The following ANK2 variants were observed in gnomAD, a reference collection of about 807,000 sequenced individuals.
The protein encoded by ANK2 is ankyrin-2.
A neutral mutation model predicts 360.5 loss-of-function variants in ANK2; 83 were observed. That is an observed-to-expected ratio of 0.23 (90% confidence interval 0.19 to 0.28). The LOEUF (loss-of-function observed/expected upper bound fraction) is 0.28, where lower values mean the gene tolerates loss of function less well. ANK2 is among the 10% of genes least tolerant of loss of function. The pLI, the probability that ANK2 is intolerant of heterozygous loss-of-function variation, is 1.00. For missense variants in ANK2, 4,201 were observed against 4,795.7 expected (o/e 0.88, Z 3.66); for synonymous variants, 1,740 against 1,759.5 (o/e 0.99, Z 0.28).
chr4:113,321,703 A>T (rs1427246580), intron 26 of ANK2, among the ~76,000 whole-genome samples: 1 of 151,958 alleles, frequency 6.6e-6, no homozygotes, highest in South Asian at 2.1e-4. Context: ...AATTGGGTGG[A>T]TTCTTAAGCC....
At chr4:113,073,313 C>T (rs763478242) in intron 1 of ANK2, among the ~76,000 whole-genome samples, 5 of 152,070 alleles carry the variant, frequency 3.3e-5, no homozygotes, top group South Asian at 4.2e-4. Context: ...CATAAATATT[C>T]CTCAGCTAAT....
intron 2 of ANK2, among the ~76,000 whole-genome samples, chr4:112,951,465 C>G (rs553044032): frequency 5.9e-5 from 9 of 152,134 alleles, no homozygotes; most frequent in Non-Finnish European, 1.3e-4. Context: ...TTTAATGATT[C>G]AAATGAAAAG....
chr4:112,718,342 T>G, the ANK2 span, among the ~76,000 whole-genome samples: 2 of 152,244 alleles, frequency 1.3e-5, no homozygotes, highest in African/African-American at 4.8e-5. Flanking sequence ...TTTCGGACAG[T>G]CTTGCTCTGT....
intron 10 of ANK2, among the ~76,000 whole-genome samples, chr4:113,250,756 C>CCG (rs66628618): frequency 0.017 from 367 of 21,352 alleles, 68 homozygotes; most frequent in Non-Finnish European, 0.037. Context: ...CATACCACCG[C>CCG]CCCCCCCCCC....
At chr4:112,808,664 AAAAT>A in the ANK2 span, among the ~76,000 whole-genome samples, 1 of 152,204 alleles carries the variant, frequency 6.6e-6, no homozygotes, top group South Asian at 2.1e-4. Context: ...ATCACCTAGA[AAAAT>A]AAATAGACAA....
chr4:112,916,120 T>C (rs1242226625), intron 2 of ANK2, among the ~76,000 whole-genome samples: 1 of 152,216 alleles, frequency 6.6e-6, no homozygotes, highest in African/African-American at 2.4e-5. Context: ...GTTTTATAGC[T>C]TAAACAGGAC....
intron 4 of ANK2, among the ~76,000 whole-genome samples, chr4:113,211,759 T>C (rs1189067789): frequency 6.6e-6 from 1 of 152,216 alleles, no homozygotes; most frequent in Non-Finnish European, 1.5e-5. Context: ...TTGTGTCTTC[T>C]GATATCTGGC....
intron 1 of ANK2, among the ~76,000 whole-genome samples, chr4:113,061,874 C>T (rs1052296539): frequency 5.3e-5 from 8 of 152,010 alleles, no homozygotes; most frequent in African/African-American, 1.9e-4. Context: ...GTTTGTAGCA[C>T]AAAGGATAAA....
chr4:112,764,526 G>A, the ANK2 span, among the ~76,000 whole-genome samples: 1 of 151,764 alleles, frequency 6.6e-6, no homozygotes, highest in Admixed American at 6.6e-5. Flanking sequence ...AGTAGAGATG[G>A]GGTTTCACCA....
rs2154022542 is a variant in ANK2 at position 113,355,103 on chromosome 4, C to T, written c.6485C>T (p.Ala2162Val). 3 of 1,614,088 alleles carry T rather than the reference C, an allele frequency of 1.9e-6. No individual in the cohort carries two copies. The highest frequency in any genetic ancestry group is 2.2e-5 in the East Asian group (1 of 44,852). ...CGCCTGAGTGAGGAGACAGAAAAGGCACAGCTTCACTTAGACCAAGTACTC... is the reference window on the plus strand; with the variant it reads ...CGCCTGAGTGAGGAGACAGAAAAGGTACAGCTTCACTTAGACCAAGTACTC... ...QFRLSEETEK[A>V]QLHLDQVLTS... is the part of the protein sequence containing the mutation. The change falls in exon 38 of 46, where the codon GCA (alanine) becomes GTA (valine). Residue 2162 changes from alanine (A) to valine (V), a missense_variant. By Grantham distance (64) the Ala-to-Val change is moderately conservative (BLOSUM62 0). Around this residue, in one of 4 missense-constraint regions of ANK2, gnomAD observed 2,642 missense variants for 2,714.5 expected, o/e 0.97. Transcript: ENST00000357077.
chr4:113,105,152 A>G (rs1384196405), intron 1 of ANK2, among the ~76,000 whole-genome samples: 1 of 152,176 alleles, frequency 6.6e-6, no homozygotes, highest in Non-Finnish European at 1.5e-5. Context: ...GGCAAATTTT[A>G]TGAGTAGGTA....
intron 1 of ANK2, among the ~76,000 whole-genome samples, chr4:113,160,987 T>C (rs890337761): frequency 6.6e-5 from 10 of 152,186 alleles, no homozygotes; most frequent in African/African-American, 2.2e-4. Context: ...AGTCAAATAA[T>C]AAAAGACAAC....
chr4:113,091,853 C>T (rs2088381005), intron 1 of ANK2, among the ~76,000 whole-genome samples: 2 of 152,160 alleles, frequency 1.3e-5, no homozygotes, highest in Admixed American at 1.3e-4. Flanking sequence ...TCAGTTTGCG[C>T]TCTCTCAGAC....
At chr4:112,901,217 G>T (rs1379602149) in intron 1 of ANK2, among the ~76,000 whole-genome samples, 8 of 152,034 alleles carry the variant, frequency 5.3e-5, no homozygotes, top group Admixed American at 3.3e-4. Context: ...TAGCCCCTGG[G>T]ATTTCAACAG....
intron 30 of ANK2, 171 bp from the exon 31 acceptor site, chr4:113,336,406 G>A (rs1487219012): frequency 1.2e-5 from 8 of 667,922 alleles, no homozygotes; most frequent in Non-Finnish European, 2.0e-5. Flanking sequence ...AAAATTTTAT[G>A]AGTGCTTAGT....
chr4:113,014,208 G>T (rs2055742048), intron 2 of ANK2, among the ~76,000 whole-genome samples: 1 of 152,098 alleles, frequency 6.6e-6, no homozygotes, highest in South Asian at 2.1e-4. Context: ...AATATTTGAA[G>T]GTTCCCTAGG....
chr4:112,940,135 C>T (rs542719301), intron 2 of ANK2, among the ~76,000 whole-genome samples: 6 of 152,262 alleles, frequency 3.9e-5, no homozygotes, highest in South Asian at 4.1e-4. Context: ...TGTCATCTCG[C>T]GTTTCCATTG....
chr4:113,367,915 G>A, intron 42 of ANK2, 64 bp downstream of exon 42: 2 of 1,568,260 alleles, frequency 1.3e-6, no homozygotes, highest in Non-Finnish European at 1.8e-6. Context: ...TGGATGCCAG[G>A]CATATATAAG....
At chr4:113,021,530 C>CCCCCCCCACACACACA (rs1554056650) in intron 2 of ANK2, among the ~76,000 whole-genome samples, 17 of 13,076 alleles carry the variant, frequency 1.3e-3, no homozygotes, top group African/African-American at 3.5e-3. Flanking sequence ...ACACACACAC[C>CCCCCCCCACACACACA]CACACACAAA....
Sources: allele counts gnomAD v4.1 joint callset (sites outside exome capture counted in the v4.1 genomes callset), GRCh38; gene constraint gnomAD v4.1.1; regional missense constraint gnomAD v4.1.1; transcripts MANE v1.5; gene names NCBI Gene and HGNC (gene_info 2026-07-23, HGNC 2026-07-21).